DEF8: variants seen among roughly 807,000 people sequenced by gnomAD.
DEF8 encodes DEF-8.
Under a neutral mutation model 59.1 loss-of-function variants are expected in DEF8, and 38 were observed. The observed-to-expected ratio is 0.64, with a 90% CI of 0.50 to 0.84. The LOEUF is 0.84. Ranked by LOEUF, DEF8 falls within the 40% of genes least tolerant of loss-of-function variation. The pLI is 0.00. For missense variants in DEF8, 557 were observed against 615.2 expected (o/e 0.91, Z 1.00); for synonymous variants, 265 against 250.1 (o/e 1.06, Z -0.56).
chr16:89,952,665 C>A (rs1211850797), intron 2 of DEF8: 1 of 152,386 alleles, frequency 6.6e-6, no homozygotes, highest in African/African-American at 2.4e-5. Context: ...GACTCTGTGA[C>A]CCACCCACAG....
At position 89,962,125 on chromosome 16, in the gene DEF8, C is replaced by A. The variant is rs757009689; in HGVS notation, c.921C>A (p.Arg307=). 20 of 1,612,656 alleles carry A rather than the reference C, an allele frequency of 1.2e-5. No individual in the cohort carries two copies. In the African/African-American group the frequency reaches 2.1e-4, roughly 17 times the overall value. ...ACGTGGAGGAGCTGGTGGAGATTCG[C>A]GTGAGGCTGGGGCCATGGAAGTGGG... ...FSYVEELVEI[R]KLRQDILLMK... is the part of the protein sequence containing the mutation. Residue 307 remains arginine (R), a splice_region_variant and synonymous_variant, in exon 9 of 13, where the codon CGC becomes CGA. Transcript: ENST00000563594.
rs1243376818 is a variant in DEF8 at position 89,960,651 on chromosome 16, T to C, written c.515-280T>C. On this transcript the variant is annotated intron_variant, in intron 6 of 12. Coordinates refer to ENST00000563594, the MANE Select transcript of DEF8 (RefSeq NM_001242818.2). The stretch of plus-strand genomic sequence containing the variant: ...GGTCGGGGGTGGGAGTTTCGTTTGT[T>C]ACATTTGGACAGGTTGGGTCTGGTG... Among the ~76,000 whole-genome samples, 4 of 151,918 alleles carry C rather than the reference T, an allele frequency of 2.6e-5. No individual in the cohort carries two copies. The East Asian group carries it at 7.7e-4, about 29-fold the overall frequency.
At position 89,961,791 on chromosome 16, in the gene DEF8, G is replaced by C; in HGVS notation, c.734G>C (p.Ser245Thr). 6.2e-7 allele frequency: 1 copy of C among 1,613,550 alleles called. No individual in the cohort carries two copies. Among genetic ancestry groups the C allele is most frequent in the Non-Finnish European group, 8.5e-7 (1 of 1,179,884 alleles). ...GACTACACCGGCCAGTACTACTGCA[G>C]CCACTGCCACTGGAACGACCTGGCT... ...QCDYTGQYYC[S>T]HCHWNDLAVI... is the part of the protein sequence containing the mutation. The change falls in exon 8 of 13, where the codon AGC (serine) becomes ACC (threonine). Residue 245 changes from serine to threonine, a missense_variant. Coordinates refer to ENST00000563594, the MANE Select transcript of DEF8 (RefSeq NM_001242818.2).
chr16:89,957,132 G>C (rs966973699), intron 4 of DEF8: 19 of 162,842 alleles, frequency 1.2e-4, no homozygotes, highest in Non-Finnish European at 2.3e-4. Context: ...GCCACTTACT[G>C]TCCTTCATGA....
chr16:89,965,721 A>G, intron 12 of DEF8, 140 bp from the exon 13 acceptor site: 1 of 590,716 alleles, frequency 1.7e-6, no homozygotes, highest in South Asian at 2.0e-5. Context: ...CCATACAGTC[A>G]CTTGCATCTG....
rs2031584868 is a variant in DEF8 at position 89,949,614 on chromosome 16, C to T, written c.-11+101C>T. On this transcript the variant is annotated intron_variant, in intron 2 of 12. Coordinates refer to ENST00000563594, the MANE Select transcript of DEF8 (RefSeq NM_001242818.2). ...ATGACACCGCTTCCTGGTGGTCACG[C>T]CGCGGGCAGGACGCGGGAGGCCAGG... 2 of 1,612,654 alleles carry T rather than the reference C, an allele frequency of 1.2e-6. No individual in the cohort carries two copies. The highest frequency in any genetic ancestry group is 1.7e-6 in the Non-Finnish European group (2 of 1,179,610).
chr16:89,950,168 C>G, intron 2 of DEF8: 1 of 986,778 alleles, frequency 1.0e-6, no homozygotes, highest in Non-Finnish European at 1.2e-6. Context: ...GTTTTAAACA[C>G]CAGGAGGTTT....
chr16:89,957,315 A>G, intron 4 of DEF8, 196 bp from the exon 5 acceptor site: 1 of 554,126 alleles, frequency 1.8e-6, no homozygotes, highest in Admixed American at 3.5e-5. Flanking sequence ...GGCTAGGAGC[A>G]CGCAGCACCG....
rs2032864157 is a variant in DEF8, at chr16:89,954,847, C to A, written c.125-322C>A. On this transcript the variant is annotated intron_variant, in intron 3 of 12. Transcript: ENST00000563594. The surrounding 1 kb of genome is among the most constrained non-coding windows in gnomAD (Gnocchi z 4.3). The stretch of plus-strand genomic sequence containing the variant: ...TGTGTAGCCATGCAGTGGTTTTTCT[C>A]TCGCCCCCGTGGTCACGCATGAGGT... 6.6e-6 allele frequency among the ~76,000 whole-genome samples: 1 copy of A among 152,138 alleles called. No individual in the cohort carries two copies. The highest frequency in any genetic ancestry group is 1.5e-5 in the Non-Finnish European group (1 of 68,016).
Position 89,954,341 on chromosome 16 carries a change from G to A in DEF8, c.89G>A (p.Gly30Asp). The change falls in exon 3 of 13, where the codon GGC (glycine) becomes GAC (aspartate). Residue 30 changes from glycine (G) to aspartate (D), a missense_variant. Gly to Asp is a moderately conservative substitution (Grantham distance 94). Coordinates refer to ENST00000563594, the MANE Select transcript of DEF8 (RefSeq NM_001242818.2). This position sits in a 1 kb window ranked among gnomAD's most constrained non-coding sequence, Gnocchi z 4.3. Reference sequence around the variant, plus strand: ...TCTGGGCCGAGACAGCATGAGCAGGGCCCTGGGGAGGAGGTCCCGGACGTC... The same window carrying A: ...TCTGGGCCGAGACAGCATGAGCAGGACCCTGGGGAGGAGGTCCCGGACGTC... ...KQSGPRQHEQ[G>D]PGEEVPDVTP... The A allele has an allele frequency of 6.2e-7, 1 of 1,613,876 alleles. No homozygotes were observed. The highest frequency in any genetic ancestry group is 8.5e-7 in the Non-Finnish European group (1 of 1,179,948).
At position 89,964,145 on chromosome 16, in the gene DEF8, C is replaced by T. The variant is rs182679131; in HGVS notation, c.1003-25C>T. 41 of 1,613,922 alleles carry T rather than the reference C, an allele frequency of 2.5e-5. 1 individual carries two copies. Among genetic ancestry groups the T allele is most frequent in the Admixed American group, 2.3e-4 (14 of 60,032 alleles). ...GGGAGGGGCCCTCCCCGGTGCAGGG[C>T]GTCACGGCTGCTGGGACTTGGCAGC... On this transcript the variant is annotated intron_variant, in intron 10 of 12. Coordinates refer to ENST00000563594, the MANE Select transcript of DEF8 (RefSeq NM_001242818.2).
intron 4 of DEF8, 32 bp from the exon 5 acceptor site, chr16:89,957,479 C>G (rs2033397627): frequency 6.4e-7 from 1 of 1,556,218 alleles, no homozygotes; most frequent in Non-Finnish European, 8.7e-7. Context: ...GCAGGATGGG[C>G]CTTTGACTGC....
At chr16:89,965,312 C>T (rs992417999) in intron 12 of DEF8, among the ~76,000 whole-genome samples, 1 of 152,102 alleles carries the variant, frequency 6.6e-6, no homozygotes, top group Non-Finnish European at 1.5e-5. Context: ...TGATTTTTGC[C>T]TGGAATTTGC....
At chr16:89,959,966 G>T (rs911132543) in intron 6 of DEF8, among the ~76,000 whole-genome samples, 1 of 151,914 alleles carries the variant, frequency 6.6e-6, no homozygotes, top group Non-Finnish European at 1.5e-5. Context: ...GACTGTTCCG[G>T]TGGGGACAGT....
rs914469243 is a variant in DEF8 at position 89,963,732 on chromosome 16, A to G, written c.1002+289A>G. On this transcript the variant is annotated intron_variant, in intron 10 of 12. Coordinates refer to ENST00000563594, the MANE Select transcript of DEF8 (RefSeq NM_001242818.2). Reference sequence around the variant, plus strand: ...AAAACACAGTTTTCAAGGTTCATCTAATTATGTGCTCAACAGATACAGATG... The same window carrying G: ...AAAACACAGTTTTCAAGGTTCATCTGATTATGTGCTCAACAGATACAGATG... 3 of 515,672 alleles carry G rather than the reference A, an allele frequency of 5.8e-6. No homozygotes were observed. The Admixed American group carries it at 9.9e-5, about 17-fold the overall frequency. 31.9% of individuals were successfully genotyped at this position (515,672 alleles called of 1,614,324 possible). A position where few individuals can be genotyped will look rare whatever the true frequency, so the allele number is the denominator to read the frequency against.
chr16:89,961,209 G>T, intron 7 of DEF8, 114 bp downstream of exon 7: 1 of 1,362,280 alleles, frequency 7.3e-7, no homozygotes, highest in Non-Finnish European at 1.0e-6. Flanking sequence ...CTGGGGCAGT[G>T]CCTGCTTGAT....
At chr16:89,959,463 A>T in intron 6 of DEF8, 1 of 761,980 alleles carries the variant, frequency 1.3e-6, no homozygotes. Flanking sequence ...TAAAGGCATC[A>T]CGTGACTTTG....
chr16:89,951,936 G>A (rs1597458225), intron 2 of DEF8, among the ~76,000 whole-genome samples: 2 of 151,238 alleles, frequency 1.3e-5, no homozygotes, highest in East Asian at 3.9e-4. Context: ...GGAGTGCAGT[G>A]GTGCGTTCTC....
Position 89,954,151 on chromosome 16 carries a change from C to A in DEF8, c.-10-92C>A. 6.9e-7 allele frequency: 1 copy of A among 1,440,772 alleles called. No individual in the cohort carries two copies. The highest frequency in any genetic ancestry group is 1.3e-5 in the South Asian group (1 of 77,934). The allele number at this position is 1,440,772 out of a possible 1,614,324, so 89.2% of individuals were successfully genotyped here. ...TTAGGGAAGTGAAAGAGGCCAGCCT[C>A]ACCCCAGACACCCCAGTGTGGTTGG... On this transcript the variant is annotated intron_variant, in intron 2 of 12. Transcript: ENST00000563594. The surrounding 1 kb of genome is among the most constrained non-coding windows in gnomAD (Gnocchi z 4.3).
Sources: allele counts gnomAD v4.1 joint callset (sites outside exome capture counted in the v4.1 genomes callset), GRCh38; gene constraint gnomAD v4.1.1; non-coding constraint Gnocchi (gnomAD v3.1); transcripts MANE v1.5; gene names NCBI Gene and HGNC (gene_info 2026-07-23, HGNC 2026-07-21).